Variants in DDX31 observed in about 807,000 individuals in gnomAD.
DDX31 encodes ATP-dependent DNA helicase DDX31.
In DDX31, 70 loss-of-function variants were observed where a neutral mutation model predicts 91.3. The observed-to-expected ratio is 0.77, with a 90% CI of 0.63 to 0.94. The LOEUF (loss-of-function observed/expected upper bound fraction) is 0.94. Among genes scored for constraint, DDX31 ranks in the 40% least tolerant of loss-of-function variants. DDX31 has a pLI of 0.00. For missense variants in DDX31, 902 were observed against 925.0 expected, an observed-to-expected ratio of 0.98 and a Z score of 0.32; for synonymous variants, 362 against 350.6, an observed-to-expected ratio of 1.03 and a Z score of -0.36.
At chr9:132,636,519 C>G (rs1329618583) in intron 14 of DDX31, among the ~76,000 whole-genome samples, 4 of 152,190 alleles carry the variant, frequency 2.6e-5, no homozygotes, top group Admixed American at 2.6e-4. Flanking sequence ...TCTAAAGACT[C>G]TAAAATAACA....
At chr9:132,619,249 C>T (rs142241307) in intron 17 of DDX31, among the ~76,000 whole-genome samples, 2 of 152,338 alleles carry the variant, frequency 1.3e-5, no homozygotes, top group South Asian at 2.1e-4. Flanking sequence ...TCTCCAATAT[C>T]GTAAAACAAA....
chr9:132,647,854 A>G (rs1335570291), intron 11 of DDX31, among the ~76,000 whole-genome samples: 1 of 152,232 alleles, frequency 6.6e-6, no homozygotes, highest in Middle Eastern at 3.2e-3. Context: ...AGAGGTCATC[A>G]TCTTCAGTGC....
intron 7 of DDX31, among the ~76,000 whole-genome samples, chr9:132,652,107 A>T (rs1276558078): frequency 1.3e-5 from 2 of 152,154 alleles, no homozygotes; most frequent in African/African-American, 4.8e-5. Context: ...ATAAAGGTTC[A>T]TTTTCAGAGC....
At chr9:132,618,304 C>T (rs200112074) in intron 18 of DDX31, 26 bp downstream of exon 18, 10 of 1,594,634 alleles carry the variant, frequency 6.3e-6, no homozygotes, top group East Asian at 4.5e-5. Context: ...CTATCCACTG[C>T]GCAAGCACCT....
At chr9:132,635,735 C>T (rs1326985960) in intron 14 of DDX31, among the ~76,000 whole-genome samples, 6 of 151,800 alleles carry the variant, frequency 4.0e-5, no homozygotes, top group African/African-American at 1.2e-4. Flanking sequence ...CACCTGAGGT[C>T]AGGAGTTCGA....
At chr9:132,668,843 C>T (rs1835500705) in intron 1 of DDX31, among the ~76,000 whole-genome samples, 1 of 152,214 alleles carries the variant, frequency 6.6e-6, no homozygotes. Flanking sequence ...GCTGGGATTA[C>T]AGGCGTGAGC....
intron 6 of DDX31, among the ~76,000 whole-genome samples, chr9:132,652,751 C>G (rs1025648632): frequency 2.0e-5 from 3 of 151,574 alleles, no homozygotes; most frequent in African/African-American, 7.3e-5. Context: ...ATCAGGGGGG[C>G]CGGTTATTCT....
intron 17 of DDX31, among the ~76,000 whole-genome samples, chr9:132,621,315 T>C (rs1334002801): frequency 1.3e-5 from 2 of 152,216 alleles, no homozygotes; most frequent in Admixed American, 6.5e-5. Flanking sequence ...TTAATCACTT[T>C]ATTGCCAAGC....
At chr9:132,656,030 C>T (rs935405752) in intron 6 of DDX31, among the ~76,000 whole-genome samples, 1 of 151,888 alleles carries the variant, frequency 6.6e-6, no homozygotes, top group Non-Finnish European at 1.5e-5. Context: ...GGTGTTACTA[C>T]ATAGAGAAGA....
rs570609942 is a variant in DDX31 at position 132,662,759 on chromosome 9, A to G, written c.76-64T>C. 35 of 1,600,262 alleles carry G rather than the reference A, an allele frequency of 2.2e-5. No homozygotes were observed. In the African/African-American group the frequency reaches 4.6e-4, roughly 21 times the overall value. On this transcript the variant is annotated intron_variant, in intron 1 of 19. Transcript: ENST00000372159. ...ATTAGTCCATGAAAACAGAGCTCGG[A>G]GTGAAGCCTGACTGCCCACAGAATT... is the stretch of plus-strand genomic sequence containing the variant.
intron 6 of DDX31, 109 bp downstream of exon 6, chr9:132,658,562 A>T: frequency 9.8e-7 from 1 of 1,024,072 alleles, no homozygotes; most frequent in Non-Finnish European, 1.5e-6. Context: ...AGGTGAAAAA[A>T]ATACTCAGTG....
chr9:132,669,256 GC>G (rs35218211), intron 1 of DDX31, among the ~76,000 whole-genome samples: 1 of 115,408 alleles, frequency 8.7e-6, no homozygotes, highest in Non-Finnish European at 1.9e-5. Context: ...CACCCCGCCC[GC>G]CCCCCCCAAA....
intron 14 of DDX31, chr9:132,638,280 C>T (rs980985541): frequency 1.2e-5 from 20 of 1,608,448 alleles, no homozygotes; most frequent in Middle Eastern, 1.7e-4. Context: ...TCCGGCCATT[C>T]GGTGGTACTT....
At chr9:132,629,312 G>T (rs184658608) in intron 16 of DDX31, among the ~76,000 whole-genome samples, 8 of 152,372 alleles carry the variant, frequency 5.3e-5, no homozygotes, top group African/African-American at 1.7e-4. Flanking sequence ...ACAACCAGGA[G>T]TAGTTTCCTG....
rs770622225 is a variant in DDX31 at position 132,612,083 on chromosome 9, T to C, written c.1994+4A>G. 2 of 1,612,912 alleles carry C rather than the reference T, an allele frequency of 1.2e-6. No homozygotes were observed. Among genetic ancestry groups the C allele is most frequent in the Admixed American group, 3.3e-5 (2 of 59,996 alleles). On this transcript the variant is annotated splice_donor_region_variant and intron_variant, in intron 19 of 19. Coordinates refer to ENST00000372159, the MANE Select transcript of DDX31 (RefSeq NM_022779.9). ...CGTCACGGGACGAATTCAGCTCATC[T>C]TACCTTTTCACGTGTGCTTTCCTCT...
rs76189181 is a variant in DDX31 at position 132,659,731 on chromosome 9, C to A, written c.502G>T (p.Val168Leu). 503 of 1,612,098 alleles carry A rather than the reference C, an allele frequency of 3.1e-4. No individual in the cohort carries two copies. The East Asian group carries it at 0.011, about 34-fold the overall frequency. The change falls in exon 5 of 20, where the codon GTG (valine) becomes TTG (leucine). Residue 168 changes from valine to leucine, a missense_variant. Val to Leu is a conservative substitution (Grantham distance 32). Coordinates refer to ENST00000372159, the MANE Select transcript of DDX31 (RefSeq NM_022779.9). ...TAACCTGAGCCCGTCTGGGATCTCA[C>A]GAGAGCATCTCTGCCTTCCAGCAAC... ...PVLLEGRDAL[V>L]RSQTGSGKTL...
At position 132,612,164 on chromosome 9, in the gene DDX31, C is replaced by T. The variant is rs770441677; in HGVS notation, c.1917G>A (p.Ala639=). 3.7e-6 allele frequency: 6 copies of T among 1,614,060 alleles called. No individual in the cohort carries two copies. Among genetic ancestry groups the T allele is most frequent in the Non-Finnish European group, 3.4e-6 (4 of 1,180,042 alleles). ...GGGCATCTCTTAGTCCGAAGCTCTT[C>T]GCCACATGCCCAAGGTGGAGGGATC... ...HVRSLHLGHV[A]KSFGLRDAPR... Residue 639 remains alanine (A), a synonymous_variant, in exon 19 of 20, where the codon GCG becomes GCA. Transcript: ENST00000372159.
intron 5 of DDX31, among the ~76,000 whole-genome samples, chr9:132,659,280 AAAGC>A (rs1256707773): frequency 1.3e-5 from 2 of 152,188 alleles, no homozygotes; most frequent in Non-Finnish European, 2.9e-5. Flanking sequence ...GAGGGTCAAA[AAAGC>A]AAGTCCAGAC....
intron 18 of DDX31, among the ~76,000 whole-genome samples, chr9:132,613,557 G>C (rs1831467267): frequency 6.6e-6 from 1 of 152,156 alleles, no homozygotes; most frequent in Non-Finnish European, 1.5e-5. Context: ...AGCCGGATGT[G>C]GTGGCAGGTG....
Sources: allele counts gnomAD v4.1 joint callset (sites outside exome capture counted in the v4.1 genomes callset), GRCh38; gene constraint gnomAD v4.1.1; transcripts MANE v1.5; gene names NCBI Gene and HGNC (gene_info 2026-07-23, HGNC 2026-07-21).